COPG2: variants seen among roughly 807,000 people sequenced by gnomAD.
The protein encoded by COPG2 is coatomer subunit gamma-2.
COPG2 carries 37 observed loss-of-function variants against 46.3 expected under a neutral mutation model. That is an observed-to-expected ratio of 0.80 (90% CI 0.61 to 1.05). COPG2 has a LOEUF of 1.05. Among genes scored for constraint, COPG2 ranks in the 50% least tolerant of loss-of-function variants. COPG2 has a pLI of 0.00. For synonymous variants in COPG2, 159 were observed against 129.7 expected, an observed-to-expected ratio of 1.23 and a Z score of -1.53; for missense variants, 427 against 387.8, an observed-to-expected ratio of 1.10 and a Z score of -0.85.
chr7:130,644,612 T>C (rs1247112609), intron 5 of COPG2, among the ~76,000 whole-genome samples: 1 of 152,214 alleles, frequency 6.6e-6, no homozygotes, highest in Non-Finnish European at 1.5e-5. Context: ...GGATAAATAG[T>C]GTCTTCCATA....
At chr7:130,656,998 T>G (rs1201972382) in intron 4 of COPG2, among the ~76,000 whole-genome samples, 1 of 149,776 alleles carries the variant, frequency 6.7e-6, no homozygotes, top group Non-Finnish European at 1.5e-5. Context: ...TATTTCTATA[T>G]TATCTATATA....
chr7:130,645,079 A>G, intron 5 of COPG2: 1 of 376,672 alleles, frequency 2.7e-6, no homozygotes, highest in Non-Finnish European at 5.1e-6. Context: ...AAAAAAAAAA[A>G]AAAAAAGAAA....
intron 6 of COPG2, among the ~76,000 whole-genome samples, chr7:130,615,433 A>G (rs1794934694): frequency 6.6e-6 from 1 of 152,242 alleles, no homozygotes; most frequent in Non-Finnish European, 1.5e-5. Flanking sequence ...AATGCACTTC[A>G]TCTATGTCTT....
At chr7:130,521,239 G>A (rs1412129603) in intron 20 of COPG2, among the ~76,000 whole-genome samples, 2 of 152,138 alleles carry the variant, frequency 1.3e-5, no homozygotes, top group African/African-American at 4.8e-5. Flanking sequence ...CTAAAAATTG[G>A]ACATAAGAGA....
chr7:130,594,033 A>G (rs1233134121), intron 9 of COPG2, among the ~76,000 whole-genome samples: 3 of 152,144 alleles, frequency 2.0e-5, no homozygotes, highest in Non-Finnish European at 4.4e-5. Flanking sequence ...AACACATACA[A>G]TCAACATCGG....
At chr7:130,525,373 C>T (rs1188148171) in intron 20 of COPG2, among the ~76,000 whole-genome samples, 8 of 152,108 alleles carry the variant, frequency 5.3e-5, no homozygotes, top group African/African-American at 9.7e-5. Flanking sequence ...CAGGAATATG[C>T]GGAACTAGGT....
intron 9 of COPG2, among the ~76,000 whole-genome samples, chr7:130,607,119 T>A (rs1794747847): frequency 6.6e-6 from 1 of 151,942 alleles, no homozygotes; most frequent in Non-Finnish European, 1.5e-5. Context: ...TGCATCCCTG[T>A]AGTCCCAGCT....
At chr7:130,604,652 G>A (rs1253419056) in intron 9 of COPG2, 2 of 484,688 alleles carry the variant, frequency 4.1e-6, no homozygotes, top group African/African-American at 2.0e-5. Flanking sequence ...CAAATTTTTA[G>A]GTATTTTATT....
At chr7:130,652,126 A>T (rs1795759869) in intron 5 of COPG2, among the ~76,000 whole-genome samples, 1 of 152,224 alleles carries the variant, frequency 6.6e-6, no homozygotes, top group Middle Eastern at 3.2e-3. Flanking sequence ...GTAGACACGT[A>T]AGTTGTTTGT....
At chr7:130,623,791 C>T (rs1342232874) in intron 5 of COPG2, among the ~76,000 whole-genome samples, 1 of 151,880 alleles carries the variant, frequency 6.6e-6, no homozygotes, top group Non-Finnish European at 1.5e-5. Context: ...TTGAGGACAG[C>T]CTGGGCAACA....
chr7:130,649,663 T>G (rs1392631633), intron 5 of COPG2, among the ~76,000 whole-genome samples: 2 of 152,218 alleles, frequency 1.3e-5, no homozygotes, highest in Non-Finnish European at 2.9e-5. Context: ...AGATGATAAA[T>G]GTTTTCTCTA....
At chr7:130,578,156 C>T (rs1158970127) in intron 9 of COPG2, among the ~76,000 whole-genome samples, 4 of 150,034 alleles carry the variant, frequency 2.7e-5, no homozygotes, top group South Asian at 2.1e-4. Flanking sequence ...GATCTGAGAA[C>T]GGGCAGACTG....
chr7:130,648,008 G>A (rs1475332002), intron 5 of COPG2, among the ~76,000 whole-genome samples: 2 of 152,044 alleles, frequency 1.3e-5, no homozygotes, highest in Admixed American at 6.6e-5. Flanking sequence ...GGGATTACAC[G>A]CGTGAGCCAC....
chr7:130,508,894 A>G (rs1799548350), intron 20 of COPG2: 8 of 554,080 alleles, frequency 1.4e-5, no homozygotes, highest in South Asian at 1.3e-4. Flanking sequence ...AAATGATAAC[A>G]TGGGCAGACT....
intron 5 of COPG2, among the ~76,000 whole-genome samples, chr7:130,640,689 G>A (rs749142615): frequency 6.6e-6 from 1 of 152,072 alleles, no homozygotes; most frequent in Non-Finnish European, 1.5e-5. Flanking sequence ...CTTGCAAACT[G>A]GGCAGGAAAA....
intron 20 of COPG2, among the ~76,000 whole-genome samples, 181 bp from the exon 21 acceptor site, chr7:130,508,840 A>G (rs1238341094): frequency 6.6e-6 from 1 of 152,228 alleles, no homozygotes; most frequent in Non-Finnish European, 1.5e-5. Flanking sequence ...CTCACAAAGC[A>G]TGAATGTAAA....
intron 9 of COPG2, among the ~76,000 whole-genome samples, chr7:130,598,647 C>G (rs1329283572): frequency 6.6e-6 from 1 of 152,230 alleles, no homozygotes; most frequent in Non-Finnish European, 1.5e-5. Flanking sequence ...TAAGCCACTG[C>G]ATGAGGCCCT....
chr7:130,579,894 T>C (rs1236778839), intron 9 of COPG2, among the ~76,000 whole-genome samples: 1 of 152,108 alleles, frequency 6.6e-6, no homozygotes, highest in African/African-American at 2.4e-5. Context: ...ACATTAATAA[T>C]GGGAGACTTT....
At chr7:130,627,825 T>A (rs921218510) in intron 5 of COPG2, among the ~76,000 whole-genome samples, 5 of 151,978 alleles carry the variant, frequency 3.3e-5, no homozygotes, top group African/African-American at 9.7e-5. Flanking sequence ...GGATGAGGAA[T>A]TACCATACTG....
Sources: allele counts gnomAD v4.1 joint callset (sites outside exome capture counted in the v4.1 genomes callset), GRCh38; gene constraint gnomAD v4.1.1; transcripts MANE v1.5; gene names NCBI Gene and HGNC (gene_info 2026-07-23, HGNC 2026-07-21).